Variants in RAB18 observed in about 807,000 individuals in gnomAD.
RAB18 encodes ras-related protein Rab-18.
In RAB18, 10 loss-of-function variants were observed where a neutral mutation model predicts 28.5. That is an observed-to-expected ratio of 0.35 (90% CI 0.22 to 0.60). RAB18 has a LOEUF of 0.60. RAB18 is among the 20% of genes least tolerant of loss of function. The probability of loss-of-function intolerance (pLI) is 0.78; values close to 1 mark genes in which losing one functional copy is unlikely to be tolerated. For synonymous variants in RAB18, 93 were observed against 86.9 expected (o/e 1.07, Z -0.39); for missense variants, 188 against 244.2 (o/e 0.77, Z 1.53).
chr10:27,504,814 C>T (rs1447639759), intron 1 of RAB18: 1 of 490,244 alleles, frequency 2.0e-6, no homozygotes, highest in African/African-American at 2.0e-5. Flanking sequence ...GGGGTTCAGG[C>T]TGCCTGCCAC....
At chr10:27,506,396 A>T (rs1413835063) in intron 1 of RAB18, among the ~76,000 whole-genome samples, 3 of 152,090 alleles carry the variant, frequency 2.0e-5, no homozygotes, top group African/African-American at 7.2e-5. Flanking sequence ...ATCATAGCTC[A>T]CTGCAGTCTC....
chr10:27,506,329 G>A (rs1014544000), intron 1 of RAB18, among the ~76,000 whole-genome samples: 8 of 151,862 alleles, frequency 5.3e-5, no homozygotes, highest in African/African-American at 1.9e-4. Flanking sequence ...TGCTCTACCC[G>A]CTGTTTTTTT....
At chr10:27,523,979 T>G (rs1203161626) in intron 2 of RAB18, among the ~76,000 whole-genome samples, 1 of 151,614 alleles carries the variant, frequency 6.6e-6, no homozygotes, top group East Asian at 2.0e-4. Context: ...CTTGGGAGGC[T>G]GAGGCAGCAG....
rs1223798799 is a variant in RAB18 at position 27,540,456 on chromosome 10, G to A, written c.*2405G>A. The A allele has an allele frequency of 6.6e-6, 3 of 453,932 alleles. No homozygotes were observed. Among genetic ancestry groups the A allele is most frequent in the Non-Finnish European group, 1.3e-5 (3 of 226,768 alleles). The allele number at this position is 453,932 out of a possible 1,614,324, so 28.1% of individuals were successfully genotyped here. On this transcript the variant is annotated 3_prime_UTR_variant, in exon 7 of 7. Coordinates refer to ENST00000356940, the MANE Select transcript of RAB18 (RefSeq NM_021252.5). Reference sequence around the variant, plus strand: ...CTTTTTGTAACACAACCAAGTTAAGGCAGTTCCACTATTTCTTTATCACTC... The same window carrying A: ...CTTTTTGTAACACAACCAAGTTAAGACAGTTCCACTATTTCTTTATCACTC...
chr10:27,510,321 G>A (rs752988877), intron 2 of RAB18: 5 of 270,730 alleles, frequency 1.8e-5, no homozygotes, highest in East Asian at 9.6e-5. Context: ...CTCTGTCATC[G>A]TGGACCTAAC....
intron 2 of RAB18, among the ~76,000 whole-genome samples, chr10:27,523,895 C>T (rs199849334): frequency 1.3e-5 from 2 of 151,752 alleles, no homozygotes; most frequent in East Asian, 1.9e-4. Flanking sequence ...CTGGCTAACA[C>T]GGTGAAACCT....
Position 27,537,947 on chromosome 10 carries a change from C to T in RAB18, c.517C>T (p.Pro173Ser), listed in dbSNP as rs1834934469. 4 of 1,613,932 alleles carry T rather than the reference C, an allele frequency of 2.5e-6. No homozygotes were observed. Among genetic ancestry groups the T allele is most frequent in the African/African-American group, 1.3e-5 (1 of 74,884 alleles). Residue 173 changes from proline to serine, a missense_variant, in exon 7 of 7, where the codon CCT becomes TCT. By Grantham distance (74) the Pro-to-Ser change is moderately conservative. Transcript: ENST00000356940. Reference protein sequence around the residue: ...EELVEKIIQTPGLWESENQNK... With the variant: ...EELVEKIIQTSGLWESENQNK... ...ACTTGTTGAAAAGATCATTCAGACC[C>T]CTGGACTGTGGGAAAGTGAGAACCA...
At chr10:27,523,883 T>C (rs1036039825) in intron 2 of RAB18, among the ~76,000 whole-genome samples, 2 of 151,880 alleles carry the variant, frequency 1.3e-5, no homozygotes, top group Admixed American at 6.6e-5. Context: ...ATTGAGACCA[T>C]ACTGGCTAAC....
chr10:27,509,559 T>C (rs1023448562), intron 1 of RAB18, among the ~76,000 whole-genome samples: 5 of 152,178 alleles, frequency 3.3e-5, no homozygotes, highest in Non-Finnish European at 7.4e-5. Context: ...AATATCATTT[T>C]CTCAGAAGGA....
intron 1 of RAB18, among the ~76,000 whole-genome samples, chr10:27,507,882 A>G (rs990043755): frequency 6.6e-6 from 1 of 151,962 alleles, no homozygotes; most frequent in Non-Finnish European, 1.5e-5. Context: ...TAAAAAAATA[A>G]AAATAAAAAA....
At chr10:27,534,321 T>A (rs1834850179) in intron 6 of RAB18, among the ~76,000 whole-genome samples, 1 of 152,238 alleles carries the variant, frequency 6.6e-6, no homozygotes, top group Non-Finnish European at 1.5e-5. Context: ...TGGGAGCTTG[T>A]TAGCAGTGCT....
chr10:27,538,047 T>C lies in RAB18; in HGVS notation c.617T>C (p.Leu206Ser). The C allele has an allele frequency of 6.2e-7, 1 of 1,614,144 alleles. No homozygotes were observed. Among genetic ancestry groups the C allele is most frequent in the Non-Finnish European group, 8.5e-7 (1 of 1,179,970 alleles). ...GGACGGYCSV[L>S] The stretch of plus-strand genomic sequence containing the variant: ...GCCTGTGGTGGTTATTGCTCTGTGT[T>C]ATAAACTCTGGGAAATTCCATCTCT... Residue 206 changes from leucine to serine, a missense_variant, in exon 7 of 7, where the codon TTA (leucine) becomes TCA (serine). By Grantham distance (145) the Leu-to-Ser change is moderately radical. Transcript: ENST00000356940.
In RAB18 at chr10:27,537,913, C is replaced by T; in HGVS notation, c.483C>T (p.Ala161=). 3 of 1,614,044 alleles carry T rather than the reference C, an allele frequency of 1.9e-6. No homozygotes were observed. Among genetic ancestry groups the T allele is most frequent in the Non-Finnish European group, 2.5e-6 (3 of 1,180,002 alleles). The change falls in exon 7 of 7, where the codon GCC becomes GCT. Residue 161 remains alanine (A), a synonymous_variant. Transcript: ENST00000356940. ...SAKTCDGVQC[A]FEELVEKIIQ... is the part of the protein sequence containing the mutation. ...AAACCTGTGATGGTGTACAATGTGC[C>T]TTTGAAGAACTTGTTGAAAAGATCA...
At position 27,541,590 on chromosome 10, in the gene RAB18, C is replaced by T. The variant is rs1264628981; in HGVS notation, c.*3539C>T. The T allele has an allele frequency of 2.2e-6, 1 of 453,294 alleles. No homozygotes were observed. Among genetic ancestry groups the T allele is most frequent in the Non-Finnish European group, 4.4e-6 (1 of 226,698 alleles). 28.1% of individuals were successfully genotyped at this position (453,294 alleles called of 1,614,324 possible). ...GAATAGTCGTGTGTTCATGCCTGTT[C>T]TCAGTCTTGTCCCCTTTACCGTTTC... On this transcript the variant is annotated 3_prime_UTR_variant, in exon 7 of 7. Transcript: ENST00000356940.
chr10:27,505,334 T>C, intron 1 of RAB18: 8 of 359,332 alleles, frequency 2.2e-5, no homozygotes, highest in South Asian at 1.3e-4. Flanking sequence ...AAACCACATT[T>C]GCACTCCAGG....
In RAB18 at chr10:27,532,567, G is replaced by C; in HGVS notation, c.247G>C (p.Gly83Arg). The C allele has an allele frequency of 6.3e-7, 1 of 1,597,462 alleles. No individual in the cohort carries two copies. The highest frequency in any genetic ancestry group is 8.6e-7 in the Non-Finnish European group (1 of 1,166,208). The change falls in exon 4 of 7, where the codon GGT becomes CGT. Residue 83 changes from glycine (G) to arginine (R), a missense_variant. By Grantham distance (125) the Gly-to-Arg change is moderately radical. Coordinates refer to ENST00000356940, the MANE Select transcript of RAB18 (RefSeq NM_021252.5). ...LTPSYYRGAQGVILVYDVTRR... is the reference protein window; with the variant it reads ...LTPSYYRGAQRVILVYDVTRR... The stretch of plus-strand genomic sequence containing the variant: ...TCCCAGCTATTATAGAGGTGCACAG[G>C]GTGTTATATTAGGTAAGTGTTTACT...
Position 27,538,202 on chromosome 10 carries a change from G to C in RAB18, c.*151G>C. ...ATATTTGCAAGAAATCCCACTCATC[G>C]ACCCCGGGTAAAATGTTATGGTAAG... On this transcript the variant is annotated 3_prime_UTR_variant, in exon 7 of 7. Transcript: ENST00000356940. 1 of 1,045,264 alleles carries C rather than the reference G, an allele frequency of 9.6e-7. No individual in the cohort carries two copies. Among genetic ancestry groups the C allele is most frequent in the South Asian group, 1.4e-5 (1 of 73,886 alleles). The allele number at this position is 1,045,264 out of a possible 1,614,324, so 64.7% of individuals were successfully genotyped here. A position where few individuals can be genotyped will look rare whatever the true frequency, so the allele number is the denominator to read the frequency against.
chr10:27,504,870 G>T, intron 1 of RAB18: 1 of 475,968 alleles, frequency 2.1e-6, no homozygotes, highest in South Asian at 1.6e-5. Flanking sequence ...GGTTTCTGTG[G>T]GGCCTTCTCT....
chr10:27,516,473 G>A (rs987192030), intron 2 of RAB18, among the ~76,000 whole-genome samples: 3 of 151,398 alleles, frequency 2.0e-5, no homozygotes, highest in African/African-American at 4.9e-5. Context: ...CAGGAGAATC[G>A]CTTAAATTCA....
Sources: gnomAD v4.1 joint callset for allele counts (sites outside exome capture counted in the v4.1 genomes callset) on GRCh38, gnomAD v4.1.1 for gene constraint, MANE v1.5 for transcripts, NCBI Gene and HGNC (gene_info 2026-07-23, HGNC 2026-07-21) for gene names.